CTNNA2: variants seen among roughly 807,000 people sequenced by gnomAD.
CTNNA2 encodes catenin alpha-2.
Under a neutral mutation model 101.0 loss-of-function variants are expected in CTNNA2, and 42 were observed. The observed-to-expected ratio is 0.42, with a 90% CI of 0.32 to 0.54. The LOEUF (loss-of-function observed/expected upper bound fraction) is 0.54, where lower values mean the gene tolerates loss of function less well. Among genes scored for constraint, CTNNA2 ranks in the 20% least tolerant of loss-of-function variants. The pLI is 0.14. For missense variants in CTNNA2, 871 were observed against 1,223.1 expected, an observed-to-expected ratio of 0.71 and a Z score of 4.29; for synonymous variants, 450 against 456.4, an observed-to-expected ratio of 0.99 and a Z score of 0.18.
At chr2:79,282,322 A>G (rs948073171) in intron 2 of CTNNA2, among the ~76,000 whole-genome samples, 7 of 152,176 alleles carry the variant, frequency 4.6e-5, no homozygotes, top group East Asian at 3.9e-4. Context: ...TTAGTTACAT[A>G]TGTATACATG....
rs145426416 is a variant in CTNNA2 at position 80,420,674 on chromosome 2, T to G, written c.1290+1073T>G. On this transcript the variant is annotated intron_variant, in intron 9 of 18. Coordinates refer to ENST00000402739, the MANE Select transcript of CTNNA2 (RefSeq NM_001282597.3). ...GTGATGGGGGTGGTGTTCGATTTAG[T>G]TGCATGCTAAGCACCTGCTTAGTTT... is the stretch of plus-strand genomic sequence containing the variant. Among the ~76,000 whole-genome samples, 37 of 152,254 alleles carry G rather than the reference T, an allele frequency of 2.4e-4. No individual in the cohort carries two copies. The East Asian group carries it at 6.8e-3, about 28-fold the overall frequency.
intron 9 of CTNNA2, among the ~76,000 whole-genome samples, chr2:80,529,392 C>T (rs1480759185): frequency 6.6e-6 from 1 of 152,144 alleles, no homozygotes; most frequent in African/African-American, 2.4e-5. Flanking sequence ...TCTATGTGTA[C>T]ATAATCTGTT....
chr2:80,150,330 C>T (rs1410254749), intron 7 of CTNNA2, among the ~76,000 whole-genome samples: 1 of 152,078 alleles, frequency 6.6e-6, no homozygotes, highest in Non-Finnish European at 1.5e-5. Context: ...GACTTTAGCT[C>T]CCTGGCCACA....
At chr2:79,548,549 C>A (rs986895719) in intron 1 of CTNNA2, among the ~76,000 whole-genome samples, 2 of 152,204 alleles carry the variant, frequency 1.3e-5, no homozygotes. Context: ...TTACCTTTCT[C>A]CATCTAGAGA....
chr2:79,190,741 A>G (rs1190745202), intron 1 of CTNNA2, among the ~76,000 whole-genome samples: 1 of 152,176 alleles, frequency 6.6e-6, no homozygotes, highest in Non-Finnish European at 1.5e-5. Flanking sequence ...TACCTATACT[A>G]GAAAATAGTA....
At chr2:80,246,075 A>T (rs186097557) in intron 7 of CTNNA2, among the ~76,000 whole-genome samples, 1 of 152,028 alleles carries the variant, frequency 6.6e-6, no homozygotes, top group African/African-American at 2.4e-5. Flanking sequence ...ATTATAGGCG[A>T]GATCCACCAT....
At chr2:79,868,331 G>A (rs1037646783) in intron 4 of CTNNA2, among the ~76,000 whole-genome samples, 1 of 152,060 alleles carries the variant, frequency 6.6e-6, no homozygotes, top group East Asian at 1.9e-4. Flanking sequence ...CCTGCCACCA[G>A]TATCATTCCA....
At chr2:80,270,100 G>A (rs1673342073) in intron 7 of CTNNA2, among the ~76,000 whole-genome samples, 1 of 152,188 alleles carries the variant, frequency 6.6e-6, no homozygotes, top group African/African-American at 2.4e-5. Flanking sequence ...ATTTACATAT[G>A]AAGGTGAATT....
In CTNNA2 at chr2:79,551,710, G is replaced by A. The variant is rs191043564; in HGVS notation, c.-6+38503G>A. Among the ~76,000 whole-genome samples the A allele has an allele frequency of 2.1e-3, 327 of 152,238 alleles. 3 individuals carry two copies. Among genetic ancestry groups the A allele is most frequent in the African/African-American group, 7.6e-3 (314 of 41,544 alleles). Reference sequence around the variant, plus strand: ...AAGTTGTACATGAAGTATGGCTAGGGAGGCTTCAAAAAGCTTACAATCATG... The same window carrying A: ...AAGTTGTACATGAAGTATGGCTAGGAAGGCTTCAAAAAGCTTACAATCATG... On this transcript the variant is annotated intron_variant, in intron 1 of 18. Transcript: ENST00000402739.
intron 7 of CTNNA2, among the ~76,000 whole-genome samples, chr2:80,255,614 G>A (rs1020370771): frequency 2.0e-5 from 3 of 152,100 alleles, no homozygotes; most frequent in Admixed American, 6.6e-5. Context: ...TTGAGATTCA[G>A]TACTTCTCTC....
chr2:79,200,140 T>C (rs770015950), intron 2 of CTNNA2, among the ~76,000 whole-genome samples: 4 of 152,090 alleles, frequency 2.6e-5, no homozygotes, highest in Non-Finnish European at 5.9e-5. Context: ...TCCCAGCATT[T>C]TGGGAGGCCA....
rs868279145 is a variant in CTNNA2 at position 80,618,903 on chromosome 2, G to A, written c.2431-182G>A. ...AATGAGAAATCGAAATGGCCAGGCCGCTTAATGTCAAGAAAGCCCATATGT... is the reference window on the plus strand; with the variant it reads ...AATGAGAAATCGAAATGGCCAGGCCACTTAATGTCAAGAAAGCCCATATGT... On this transcript the variant is annotated intron_variant, in intron 17 of 18. Transcript: ENST00000402739. The A allele has an allele frequency of 4.0e-5, 16 of 403,552 alleles. No homozygotes were observed. The South Asian group carries it at 1.4e-3, about 35-fold the overall frequency. The allele number at this position is 403,552 out of a possible 1,614,324, so 25.0% of individuals were successfully genotyped here. A position where few individuals can be genotyped will look rare whatever the true frequency, so the allele number is the denominator to read the frequency against.
intron 1 of CTNNA2, among the ~76,000 whole-genome samples, chr2:79,598,391 G>T (rs947064854): frequency 6.6e-6 from 1 of 152,182 alleles, no homozygotes; most frequent in East Asian, 1.9e-4. Flanking sequence ...TACCAAACTG[G>T]CTTCCAAAGT....
In CTNNA2 at chr2:80,199,867, A is replaced by T. The variant is rs556216757; in HGVS notation, c.1057-193344A>T. ...TGACCTACTTAGAAAAAGTGTAACTAAAGTGGAACCAGGAATTGTGTGAGA... is the reference window on the plus strand; with the variant it reads ...TGACCTACTTAGAAAAAGTGTAACTTAAGTGGAACCAGGAATTGTGTGAGA... On this transcript the variant is annotated intron_variant, in intron 7 of 18. Transcript: ENST00000402739. Among the ~76,000 whole-genome samples, 17 of 152,366 alleles carry T rather than the reference A, an allele frequency of 1.1e-4. 1 individual carries two copies. In the South Asian group the frequency reaches 1.7e-3, roughly 15 times the overall value.
At chr2:79,979,090 G>A (rs1433790358) in intron 7 of CTNNA2, among the ~76,000 whole-genome samples, 1 of 152,142 alleles carries the variant, frequency 6.6e-6, no homozygotes, top group African/African-American at 2.4e-5. Flanking sequence ...TGAAAGCAGT[G>A]TGATTTTCTG....
intron 1 of CTNNA2, among the ~76,000 whole-genome samples, chr2:79,631,939 T>C (rs1318685922): frequency 1.3e-5 from 2 of 152,214 alleles, no homozygotes; most frequent in East Asian, 3.9e-4. Flanking sequence ...AGGATATATT[T>C]GTTTTATATT....
rs1193889717 is a variant in CTNNA2 at position 80,308,777 on chromosome 2, A to G, written c.1057-84434A>G. ...AAGAAATAATAAATGAATTAATAAT[A>G]ATAAATAGAAATGCAAGTTCTCCTG... is the stretch of plus-strand genomic sequence containing the variant. On this transcript the variant is annotated intron_variant, in intron 7 of 18. Coordinates refer to ENST00000402739, the MANE Select transcript of CTNNA2 (RefSeq NM_001282597.3). 2.0e-5 allele frequency among the ~76,000 whole-genome samples: 3 copies of G among 152,176 alleles called. No individual in the cohort carries two copies. The East Asian group carries it at 5.8e-4, about 29-fold the overall frequency.
At chr2:79,374,468 G>A (rs542662686) in intron 4 of CTNNA2, among the ~76,000 whole-genome samples, 2 of 152,110 alleles carry the variant, frequency 1.3e-5, no homozygotes, top group East Asian at 3.9e-4. Flanking sequence ...TTCCAGGGGA[G>A]AAGGGTTTCT....
chr2:79,266,859 T>G (rs1174682024), intron 2 of CTNNA2, among the ~76,000 whole-genome samples: 1 of 152,106 alleles, frequency 6.6e-6, no homozygotes, highest in African/African-American at 2.4e-5. Flanking sequence ...TGTATTTTCA[T>G]GTATTTCATG....
Sources: allele counts gnomAD v4.1 joint callset (sites outside exome capture counted in the v4.1 genomes callset), GRCh38; gene constraint gnomAD v4.1.1; transcripts MANE v1.5; gene names NCBI Gene and HGNC (gene_info 2026-07-23, HGNC 2026-07-21).